The following CCDC34 variants were observed in gnomAD, a reference collection of about 807,000 sequenced individuals.
CCDC34 encodes coiled-coil domain containing 34.
In CCDC34, 40 loss-of-function variants were observed where a neutral mutation model predicts 44.1. That is an observed-to-expected ratio of 0.91 (90% confidence interval 0.70 to 1.18). The LOEUF (loss-of-function observed/expected upper bound fraction) is 1.18. CCDC34 is among the 50% of genes most tolerant of loss of function. The probability of loss-of-function intolerance (pLI) is 0.00; values close to 1 mark genes in which losing one functional copy is unlikely to be tolerated. For synonymous variants in CCDC34, 159 were observed against 158.2 expected (o/e 1.01, Z -0.04); for missense variants, 466 against 452.3 (o/e 1.03, Z -0.28).
At chr11:27,359,887 C>T (rs1460002277) in intron 1 of CCDC34, among the ~76,000 whole-genome samples, 1 of 152,176 alleles carries the variant, frequency 6.6e-6, no homozygotes, top group African/African-American at 2.4e-5. Flanking sequence ...AACTCTTGGG[C>T]TTCCTGTCAC....
intron 2 of CCDC34, among the ~76,000 whole-genome samples, chr11:27,356,863 C>CGGTGG (rs1413531649): frequency 2.2e-5 from 2 of 89,888 alleles, no homozygotes; most frequent in African/African-American, 9.3e-5. Context: ...GAGTGACACA[C>CGGTGG]GGTGGGGTGG....
Position 27,342,316 on chromosome 11 carries a change from T to TAC in CCDC34, c.607-768_607-767dup, listed in dbSNP as rs1353830315. Among the ~76,000 whole-genome samples the TAC allele has an allele frequency of 2.5e-5, 3 of 119,746 alleles. No homozygotes were observed. In the East Asian group the frequency reaches 7.9e-4, roughly 32 times the overall value. 78.6% of individuals were successfully genotyped at this position (119,746 alleles called of 152,430 possible). ...CTATATATATATATATATATATATA[T>TAC]ACACACACACACACATTTATATATA... On this transcript the variant is annotated intron_variant, in intron 3 of 5. Transcript: ENST00000328697.
intron 3 of CCDC34, among the ~76,000 whole-genome samples, chr11:27,344,389 T>C (rs1437305874): frequency 6.6e-6 from 1 of 150,962 alleles, no homozygotes; most frequent in Admixed American, 6.6e-5. Context: ...AACACATGCA[T>C]GCTGCATGTT....
chr11:27,340,965 A>G (rs1056117789), intron 4 of CCDC34, 128 bp from the exon 5 acceptor site: 29 of 725,584 alleles, frequency 4.0e-5, no homozygotes, highest in Non-Finnish European at 6.0e-5. Flanking sequence ...ATACTGAATC[A>G]TATTTTTATA....
chr11:27,341,921 T>C (rs1862365860), intron 3 of CCDC34, among the ~76,000 whole-genome samples: 1 of 152,252 alleles, frequency 6.6e-6, no homozygotes, highest in South Asian at 2.1e-4. Flanking sequence ...GGCAATTCTT[T>C]CCCATGCTGT....
At chr11:27,358,529 A>G (rs1862611444) in intron 1 of CCDC34, among the ~76,000 whole-genome samples, 1 of 152,110 alleles carries the variant, frequency 6.6e-6, no homozygotes, top group African/African-American at 2.4e-5. Flanking sequence ...ATTTTCTGCT[A>G]CTATTATTTC....
At chr11:27,339,865 T>C (rs1481814839) in intron 5 of CCDC34, among the ~76,000 whole-genome samples, 4 of 152,212 alleles carry the variant, frequency 2.6e-5, no homozygotes, top group Non-Finnish European at 4.4e-5. Context: ...TATTCCCACC[T>C]AAACTTTTAA....
chr11:27,346,582 T>C (rs1359546590), intron 3 of CCDC34, among the ~76,000 whole-genome samples: 2 of 152,180 alleles, frequency 1.3e-5, no homozygotes, highest in Non-Finnish European at 2.9e-5. Flanking sequence ...ATAGTCTGAA[T>C]ATACAAATTC....
At chr11:27,355,388 C>A (rs1862560357) in intron 2 of CCDC34, among the ~76,000 whole-genome samples, 2 of 152,120 alleles carry the variant, frequency 1.3e-5, no homozygotes, top group South Asian at 4.1e-4. Context: ...ATAGAGTGCT[C>A]ACTATGAACA....
At chr11:27,355,146 T>C (rs1218792230) in intron 2 of CCDC34, among the ~76,000 whole-genome samples, 1 of 152,206 alleles carries the variant, frequency 6.6e-6, no homozygotes, top group Non-Finnish European at 1.5e-5. Context: ...CTTGTGAGAC[T>C]GTAGATAAAG....
At chr11:27,346,002 A>C (rs1009425785) in intron 3 of CCDC34, among the ~76,000 whole-genome samples, 1 of 151,974 alleles carries the variant, frequency 6.6e-6, no homozygotes, top group African/African-American at 2.4e-5. Flanking sequence ...ATGGTATCTC[A>C]TTGTGGTTTT....
chr11:27,341,387 A>T lies in CCDC34; in HGVS notation c.765+5T>A. 6.9e-7 allele frequency: 1 copy of T among 1,441,862 alleles called. No individual in the cohort carries two copies. Among genetic ancestry groups the T allele is most frequent in the Non-Finnish European group, 9.4e-7 (1 of 1,062,418 alleles). 89.3% of individuals were successfully genotyped at this position (1,441,862 alleles called of 1,614,324 possible). A position where few individuals can be genotyped will look rare whatever the true frequency, so the allele number is the denominator to read the frequency against. The stretch of plus-strand genomic sequence containing the variant: ...TATTCTAACTGGTCACTTTAATAAA[A>T]ATACCTTTTCTTTCTTCTTCCTCTC... On this transcript the variant is annotated splice_donor_5th_base_variant and intron_variant, in intron 4 of 5. Transcript: ENST00000328697.
intron 3 of CCDC34, among the ~76,000 whole-genome samples, chr11:27,344,196 C>T (rs2133340134): frequency 6.6e-6 from 1 of 151,968 alleles, no homozygotes; most frequent in South Asian, 2.1e-4. Flanking sequence ...TTTTAGAACA[C>T]AGAGAAAAAG....
chr11:27,339,462 T>C (rs1862322873), intron 5 of CCDC34, among the ~76,000 whole-genome samples: 1 of 152,220 alleles, frequency 6.6e-6, no homozygotes, highest in Admixed American at 6.5e-5. Context: ...TATGAAGTTA[T>C]AGTAAATCAA....
At chr11:27,346,800 T>C (rs1317777794) in intron 3 of CCDC34, among the ~76,000 whole-genome samples, 2 of 152,166 alleles carry the variant, frequency 1.3e-5, no homozygotes, top group African/African-American at 4.8e-5. Flanking sequence ...ATTTGGAGAT[T>C]GCATCTTTAA....
chr11:27,352,416 G>A (rs1456761004), intron 2 of CCDC34, among the ~76,000 whole-genome samples: 1 of 148,280 alleles, frequency 6.7e-6, no homozygotes, highest in Non-Finnish European at 1.5e-5. Context: ...GGAAAAGAGG[G>A]TTTGGACTTA....
chr11:27,345,750 A>G (rs901996487), intron 3 of CCDC34, among the ~76,000 whole-genome samples: 9 of 152,256 alleles, frequency 5.9e-5, no homozygotes, highest in Admixed American at 4.6e-4. Flanking sequence ...AAACATACAC[A>G]TGCATGTGTC....
chr11:27,347,885 C>T (rs954460974), intron 3 of CCDC34, among the ~76,000 whole-genome samples: 5 of 152,030 alleles, frequency 3.3e-5, no homozygotes, highest in Admixed American at 6.6e-5. Flanking sequence ...ATGCAAACTA[C>T]AGCTCAATAG....
chr11:27,359,520 CCT>C (rs1296687535), intron 1 of CCDC34, among the ~76,000 whole-genome samples: 1 of 151,578 alleles, frequency 6.6e-6, no homozygotes, highest in African/African-American at 2.4e-5. Context: ...ACGGTGTCTC[CCT>C]CTGTCGTCTA....
Sources: allele counts gnomAD v4.1 joint callset (sites outside exome capture counted in the v4.1 genomes callset), GRCh38; gene constraint gnomAD v4.1.1; transcripts MANE v1.5; gene names NCBI Gene and HGNC (gene_info 2026-07-23, HGNC 2026-07-21).